The following HMCN1 variants were observed in gnomAD, a reference collection of about 807,000 sequenced individuals.
HMCN1 encodes hemicentin 1.
In HMCN1, 321 loss-of-function variants were observed where a neutral mutation model predicts 625.9. The observed-to-expected ratio is 0.51, with a 90% CI of 0.47 to 0.56. HMCN1 has a LOEUF of 0.56. Ranked by LOEUF, HMCN1 falls within the 20% of genes least tolerant of loss-of-function variation. The pLI is 0.00. For missense variants in HMCN1, 6,588 were observed against 6,887.3 expected (o/e 0.96, Z 1.54); for synonymous variants, 2,425 against 2,417.6 (o/e 1.00, Z -0.09).
At chr1:185,870,741 C>T (rs1462065223) in intron 4 of HMCN1, among the ~76,000 whole-genome samples, 2 of 152,074 alleles carry the variant, frequency 1.3e-5, no homozygotes, top group African/African-American at 4.8e-5. Flanking sequence ...TTCAAATGTA[C>T]AATTAAGCAA....
chr1:186,188,080 T>A (rs1292242971), intron 106 of HMCN1, 71 bp downstream of exon 106: 3 of 1,566,188 alleles, frequency 1.9e-6, no homozygotes, highest in Non-Finnish European at 2.6e-6. Flanking sequence ...CAACATAAAC[T>A]TTAGTCTCTT....
intron 97 of HMCN1, among the ~76,000 whole-genome samples, chr1:186,161,134 T>C (rs1401996727): frequency 2.0e-5 from 3 of 151,684 alleles, no homozygotes; most frequent in African/African-American, 7.3e-5. Flanking sequence ...TTTAGGATAG[T>C]TAGCTCTTCT....
Position 185,970,399 on chromosome 1 carries a change from T to A in HMCN1, c.2277T>A (p.Ile759=). The change falls in exon 15 of 107, where the codon ATT becomes ATA. Residue 759 remains isoleucine, a synonymous_variant. Coordinates refer to ENST00000271588, the MANE Select transcript of HMCN1 (RefSeq NM_031935.3). ...IIDPLLGLLK[I]QETQDLDAGD... Reference sequence around the variant, plus strand: ...ACCCTCTCTTGGGACTTTTGAAGATTCAAGAAACACAAGATCTGGATGCTG... The same window carrying A: ...ACCCTCTCTTGGGACTTTTGAAGATACAAGAAACACAAGATCTGGATGCTG... 1 of 1,613,724 alleles carries A rather than the reference T, an allele frequency of 6.2e-7. No homozygotes were observed. Among genetic ancestry groups the A allele is most frequent in the Non-Finnish European group, 8.5e-7 (1 of 1,179,628 alleles).
chr1:186,144,384 C>G, intron 90 of HMCN1, 41 bp downstream of exon 90: 1 of 1,604,068 alleles, frequency 6.2e-7, no homozygotes, highest in Non-Finnish European at 8.5e-7. Context: ...AAATTAACAT[C>G]TACCTATCTT....
At chr1:185,781,869 T>C (rs1657142560) in intron 1 of HMCN1, among the ~76,000 whole-genome samples, 1 of 152,258 alleles carries the variant, frequency 6.6e-6, no homozygotes, top group African/African-American at 2.4e-5. Context: ...TAGGTCTGCT[T>C]GGTGCAGAGC....
intron 71 of HMCN1, among the ~76,000 whole-genome samples, chr1:186,108,974 T>A (rs1399108749): frequency 6.6e-6 from 1 of 152,214 alleles, no homozygotes; most frequent in Non-Finnish European, 1.5e-5. Context: ...AATGCTTCTT[T>A]TACTGAATTT....
At chr1:186,028,038 T>G (rs149670122) in intron 36 of HMCN1, among the ~76,000 whole-genome samples, 57 of 152,300 alleles carry the variant, frequency 3.7e-4, no homozygotes, top group Non-Finnish European at 7.2e-4. Context: ...GATTAATTTA[T>G]TCCTCACTAT....
intron 45 of HMCN1, among the ~76,000 whole-genome samples, chr1:186,057,031 T>TCACA (rs59926356): frequency 0.013 from 1,983 of 147,994 alleles, 26 homozygotes; most frequent in South Asian, 0.042. Flanking sequence ...TCCAGGAATG[T>TCACA]CACACACACA....
At position 186,144,084 on chromosome 1, in the gene HMCN1, G is replaced by T. The variant is rs529623875; in HGVS notation, c.13925-89G>T. 34 of 1,148,362 alleles carry T rather than the reference G, an allele frequency of 3.0e-5. 1 individual carries two copies. In the South Asian group the frequency reaches 3.9e-4, roughly 13 times the overall value. 71.1% of individuals were successfully genotyped at this position (1,148,362 alleles called of 1,614,324 possible). A position where few individuals can be genotyped will look rare whatever the true frequency, so the allele number is the denominator to read the frequency against. ...ATTCTCTTAGATTGGGGACTAATTA[G>T]CTCATTACTGAGTTAATTTATTTAT... On this transcript the variant is annotated intron_variant, in intron 89 of 106. Transcript: ENST00000271588.
At chr1:186,104,085 A>C (rs1231434374) in intron 69 of HMCN1, among the ~76,000 whole-genome samples, 1 of 152,194 alleles carries the variant, frequency 6.6e-6, no homozygotes, top group East Asian at 1.9e-4. Context: ...TTTTTCAAAT[A>C]ATGATCAGTT....
chr1:185,817,657 T>C (rs1463181541), intron 1 of HMCN1, among the ~76,000 whole-genome samples: 2 of 152,204 alleles, frequency 1.3e-5, no homozygotes, highest in Admixed American at 6.5e-5. Flanking sequence ...GTTTCAAGAA[T>C]TGTTGATTTG....
At position 186,087,933 on chromosome 1, in the gene HMCN1, T is replaced by C; in HGVS notation, c.9365T>C (p.Val3122Ala). Residue 3122 changes from valine to alanine, a missense_variant and splice_region_variant, in exon 61 of 107, where the codon GTA becomes GCA. Transcript: ENST00000271588. The part of the protein sequence containing the change: ...GQMLHIKKAE[V>A]SDTGQYVCRA... ...TACAATAGTATCTTTTTCTTTTAGG[T>C]ATCTGACACAGGCCAGTATGTATGT... is the stretch of plus-strand genomic sequence containing the variant. 6.2e-7 allele frequency: 1 copy of C among 1,611,982 alleles called. No homozygotes were observed. The highest frequency in any genetic ancestry group is 8.5e-7 in the Non-Finnish European group (1 of 1,178,410).
chr1:186,186,884 C>G (rs1368481861), intron 105 of HMCN1, among the ~76,000 whole-genome samples: 1 of 151,958 alleles, frequency 6.6e-6, no homozygotes, highest in South Asian at 2.1e-4. Flanking sequence ...CTCTAAAATA[C>G]CATTCTTACA....
chr1:186,006,690 A>T (rs1653655427), intron 29 of HMCN1, among the ~76,000 whole-genome samples: 1 of 151,672 alleles, frequency 6.6e-6, no homozygotes, highest in South Asian at 2.1e-4. Context: ...TCTAGATATT[A>T]TAATGATATT....
intron 36 of HMCN1, among the ~76,000 whole-genome samples, chr1:186,037,136 G>GTT (rs1435606401): frequency 1.3e-5 from 2 of 151,624 alleles, no homozygotes; most frequent in African/African-American, 4.8e-5. Context: ...TTAGTTAAAT[G>GTT]TAGCAAATCC....
At chr1:186,175,907 AAAAG>A (rs1403388961) in intron 103 of HMCN1, among the ~76,000 whole-genome samples, 11 of 151,290 alleles carry the variant, frequency 7.3e-5, no homozygotes, top group Admixed American at 3.3e-4. Flanking sequence ...AAAAGAAAAG[AAAAG>A]AAAGAAAGAA....
intron 5 of HMCN1, among the ~76,000 whole-genome samples, chr1:185,911,208 T>C (rs1335425401): frequency 6.6e-6 from 1 of 152,164 alleles, no homozygotes; most frequent in Non-Finnish European, 1.5e-5. Context: ...TGCTGTGTTT[T>C]CCATCTATTT....
At chr1:186,064,233 T>C (rs1348715683) in intron 48 of HMCN1, among the ~76,000 whole-genome samples, 2 of 152,144 alleles carry the variant, frequency 1.3e-5, no homozygotes, top group African/African-American at 4.8e-5. Context: ...TTTCCTAACA[T>C]GACTTGCTTT....
At chr1:186,000,547 GTGTGTGTGTGTA>G (rs1016498730) in intron 26 of HMCN1, among the ~76,000 whole-genome samples, 6 of 130,342 alleles carry the variant, frequency 4.6e-5, no homozygotes, top group African/African-American at 1.9e-4. Flanking sequence ...TGTAGGGTGT[GTGTGTGTGTGTA>G]TGTGTGTGTG....
Sources: allele counts gnomAD v4.1 joint callset (sites outside exome capture counted in the v4.1 genomes callset), GRCh38; gene constraint gnomAD v4.1.1; transcripts MANE v1.5; gene names NCBI Gene and HGNC (gene_info 2026-07-23, HGNC 2026-07-21).